The following CNTNAP2 variants were observed in gnomAD, a reference collection of about 807,000 sequenced individuals.
CNTNAP2 encodes the protein contactin associated protein 2, also known as contactin-associated protein-like 2.
CNTNAP2 carries 98 observed loss-of-function variants against 155.2 expected under a neutral mutation model. The observed-to-expected ratio is 0.63, with a 90% CI of 0.54 to 0.75. CNTNAP2 has a LOEUF of 0.75. CNTNAP2 is among the 30% of genes least tolerant of loss of function. The pLI is 0.00. For synonymous variants in CNTNAP2, 651 were observed against 631.2 expected (o/e 1.03, Z -0.47); for missense variants, 1,727 against 1,688.1 (o/e 1.02, Z -0.40).
At chr7:147,492,859 G>A (rs1032148744) in intron 11 of CNTNAP2, among the ~76,000 whole-genome samples, 15 of 151,964 alleles carry the variant, frequency 9.9e-5, no homozygotes, top group Non-Finnish European at 1.8e-4. Context: ...CCATCTCTCC[G>A]CCCCCGCTCC....
chr7:147,259,326 C>A (rs934409217), intron 8 of CNTNAP2, among the ~76,000 whole-genome samples: 32 of 152,254 alleles, frequency 2.1e-4, no homozygotes, highest in African/African-American at 7.5e-4. Context: ...TCCAATTCTG[C>A]TATCAAAGCT....
intron 3 of CNTNAP2, among the ~76,000 whole-genome samples, chr7:146,879,666 A>T (rs4472431): frequency 0.31 from 47,427 of 151,938 alleles, 7,935 homozygotes; most frequent in Non-Finnish European, 0.39. Context: ...CCTGGCAGGG[A>T]CTGTGGAGCT....
At chr7:147,246,827 T>A (rs1411529969) in intron 8 of CNTNAP2, among the ~76,000 whole-genome samples, 2 of 152,178 alleles carry the variant, frequency 1.3e-5, no homozygotes, top group Non-Finnish European at 2.9e-5. Flanking sequence ...AAATCAAACA[T>A]CATGCTGTTT....
At chr7:147,426,815 A>G (rs1269017997) in intron 10 of CNTNAP2, among the ~76,000 whole-genome samples, 1 of 152,012 alleles carries the variant, frequency 6.6e-6, no homozygotes, top group East Asian at 1.9e-4. Flanking sequence ...GGAATAAATT[A>G]GTTTTTGTTG....
At chr7:147,199,112 C>T (rs1180830068) in intron 8 of CNTNAP2, among the ~76,000 whole-genome samples, 2 of 151,960 alleles carry the variant, frequency 1.3e-5, no homozygotes, top group Non-Finnish European at 1.5e-5. Context: ...CAGGCGCACA[C>T]CGTCATGGCT....
intron 13 of CNTNAP2, among the ~76,000 whole-genome samples, chr7:147,691,025 T>A (rs1390318253): frequency 6.6e-6 from 1 of 152,108 alleles, no homozygotes; most frequent in Non-Finnish European, 1.5e-5. Context: ...GGTTGATAAT[T>A]TGTGTCTGTT....
chr7:148,277,492 G>A (rs543960791), intron 21 of CNTNAP2, among the ~76,000 whole-genome samples: 2 of 152,112 alleles, frequency 1.3e-5, no homozygotes, highest in Admixed American at 1.3e-4. Context: ...CATGCTGCAC[G>A]AGAATGAGAT....
At chr7:147,749,397 G>A (rs1051278938) in intron 13 of CNTNAP2, among the ~76,000 whole-genome samples, 2 of 151,928 alleles carry the variant, frequency 1.3e-5, no homozygotes, top group Admixed American at 6.6e-5. Context: ...TACTTTCATA[G>A]GTAATATTAA....
At chr7:147,648,210 T>C (rs984887048) in intron 13 of CNTNAP2, among the ~76,000 whole-genome samples, 3 of 152,104 alleles carry the variant, frequency 2.0e-5, no homozygotes, top group Non-Finnish European at 2.9e-5. Flanking sequence ...AGATTAAAGA[T>C]GTAAGACAGA....
intron 10 of CNTNAP2, among the ~76,000 whole-genome samples, chr7:147,478,861 G>A (rs1798369104): frequency 6.6e-6 from 1 of 152,182 alleles, no homozygotes; most frequent in Non-Finnish European, 1.5e-5. Flanking sequence ...ATAACAATGT[G>A]CAACAGCTTA....
At chr7:147,384,342 T>G (rs184066689) in intron 9 of CNTNAP2, among the ~76,000 whole-genome samples, 64 of 152,340 alleles carry the variant, frequency 4.2e-4, no homozygotes, top group Non-Finnish European at 6.6e-4. Context: ...ATTGTTTTAA[T>G]TTGTAAATTT....
intron 8 of CNTNAP2, among the ~76,000 whole-genome samples, chr7:147,218,474 C>T (rs965029776): frequency 2.6e-5 from 4 of 151,736 alleles, no homozygotes; most frequent in African/African-American, 9.7e-5. Context: ...TTTTAAATTT[C>T]TCTTGAAATT....
chr7:146,896,604 A>G (rs950861302), intron 3 of CNTNAP2, among the ~76,000 whole-genome samples: 1 of 152,142 alleles, frequency 6.6e-6, no homozygotes, highest in Non-Finnish European at 1.5e-5. Flanking sequence ...ATCAAATATT[A>G]TGTTGGTGCA....
chr7:146,829,287 T>G (rs1229292824), intron 2 of CNTNAP2, among the ~76,000 whole-genome samples: 1 of 152,052 alleles, frequency 6.6e-6, no homozygotes, highest in Admixed American at 6.6e-5. Flanking sequence ...GCCAGAAGGT[T>G]AATGATTTTC....
intron 4 of CNTNAP2, among the ~76,000 whole-genome samples, chr7:147,057,923 T>A (rs1799593295): frequency 6.6e-6 from 1 of 152,056 alleles, no homozygotes; most frequent in Admixed American, 6.6e-5. Context: ...CATATATAGA[T>A]CTCCTATATA....
chr7:146,772,192 G>A (rs1469642332), intron 1 of CNTNAP2, among the ~76,000 whole-genome samples: 2 of 151,904 alleles, frequency 1.3e-5, no homozygotes, highest in African/African-American at 4.8e-5. Context: ...TATGTATTAT[G>A]ACAGAAAATC....
At chr7:147,358,491 T>C (rs1796097826) in intron 9 of CNTNAP2, among the ~76,000 whole-genome samples, 1 of 152,124 alleles carries the variant, frequency 6.6e-6, no homozygotes, top group African/African-American at 2.4e-5. Flanking sequence ...CATAGCTGAG[T>C]AATAGGTTGC....
chr7:147,027,646 C>A (rs35403762), intron 3 of CNTNAP2, among the ~76,000 whole-genome samples: 1 of 152,142 alleles, frequency 6.6e-6, no homozygotes, highest in African/African-American at 2.4e-5. Flanking sequence ...CCCTTTTGGA[C>A]AGTTTATAAA....
At chr7:146,476,965 C>T (rs1293959542) in intron 1 of CNTNAP2, among the ~76,000 whole-genome samples, 1 of 152,106 alleles carries the variant, frequency 6.6e-6, no homozygotes, top group African/African-American at 2.4e-5. Flanking sequence ...ACTATCTTAG[C>T]AAGTTTTCTT....
Sources: gnomAD v4.1 joint callset for allele counts (sites outside exome capture counted in the v4.1 genomes callset) on GRCh38, gnomAD v4.1.1 for gene constraint, MANE v1.5 for transcripts, NCBI Gene and HGNC (gene_info 2026-07-23, HGNC 2026-07-21) for gene names.